COL4A6: variants seen among roughly 807,000 people sequenced by gnomAD.
The protein encoded by COL4A6 is collagen alpha-6(IV) chain.
A neutral mutation model predicts 126.7 loss-of-function variants in COL4A6; 59 were observed. The observed-to-expected ratio is 0.47, with a 90% CI of 0.38 to 0.58. COL4A6 has a LOEUF of 0.58. Among genes scored for constraint, COL4A6 ranks in the 20% least tolerant of loss-of-function variants. The pLI is 0.00. For synonymous variants in COL4A6, 547 were observed against 496.6 expected (o/e 1.10, Z -1.35); for missense variants, 1,285 against 1,337.3 (o/e 0.96, Z 0.61).
At chrX:108,258,385 A>ATAAG (rs2037065372) in intron 3 of COL4A6, among the ~76,000 whole-genome samples, 1 of 112,143 alleles carries the variant, frequency 8.9e-6, no homozygotes, top group South Asian at 3.7e-4. Context: ...AACTAGAGGT[A>ATAAG]TAAGTCACTT....
chrX:108,408,344 AGAAAGAAAGAAAGAAAGAAAGAAC>A (rs1392504154), intron 2 of COL4A6, among the ~76,000 whole-genome samples: 7 of 96,742 alleles, frequency 7.2e-5, no homozygotes, highest in Non-Finnish European at 1.4e-4. Flanking sequence ...AGAGAAAGAA[AGAAAGAAAGAAAGAAAGAAAGAAC>A]GAAAGAAAGA....
At chrX:108,387,862 T>C (rs1488061799) in intron 2 of COL4A6, among the ~76,000 whole-genome samples, 1 of 112,015 alleles carries the variant, frequency 8.9e-6, no homozygotes, top group Non-Finnish European at 1.9e-5. Flanking sequence ...TTGTCATAAA[T>C]AGCTCTTACT....
intron 3 of COL4A6, among the ~76,000 whole-genome samples, chrX:108,222,351 A>T (rs1291222605): frequency 8.9e-6 from 1 of 112,186 alleles, no homozygotes; most frequent in East Asian, 2.8e-4. Context: ...CATTTTCATA[A>T]ATGCTTCCCA....
chrX:108,434,293 AT>A (rs1033942220), intron 2 of COL4A6, among the ~76,000 whole-genome samples: 49 of 106,882 alleles, frequency 4.6e-4, no homozygotes, highest in East Asian at 2.7e-3. Context: ...TTAGAATACT[AT>A]TTTTTTTTTC....
chrX:108,320,522 G>A (rs976152092), intron 2 of COL4A6, among the ~76,000 whole-genome samples: 2 of 111,241 alleles, frequency 1.8e-5, no homozygotes, highest in African/African-American at 6.6e-5. Flanking sequence ...ACAGGCGGTG[G>A]GCAAGGGGCA....
chrX:108,358,733 T>G (rs1302149454), intron 2 of COL4A6, among the ~76,000 whole-genome samples: 1 of 112,147 alleles, frequency 8.9e-6, no homozygotes, highest in Admixed American at 9.6e-5. Flanking sequence ...CCCATTCTAT[T>G]GGTTATGATA....
intron 2 of COL4A6, among the ~76,000 whole-genome samples, chrX:108,359,956 A>T (rs911595835): frequency 8.9e-6 from 1 of 112,276 alleles, no homozygotes; most frequent in African/African-American, 3.2e-5. Context: ...CTGCTAGAAG[A>T]CTGGACACAG....
intron 2 of COL4A6, among the ~76,000 whole-genome samples, chrX:108,327,494 C>T (rs1324826923): frequency 9.4e-6 from 1 of 106,791 alleles, no homozygotes; most frequent in African/African-American, 3.4e-5. Context: ...GAATGAGTAT[C>T]AAAATAATTA....
intron 2 of COL4A6, among the ~76,000 whole-genome samples, chrX:108,409,096 A>G (rs2041274750): frequency 8.9e-6 from 1 of 112,712 alleles, no homozygotes; most frequent in South Asian, 3.6e-4. Flanking sequence ...TAATTGAAGG[A>G]GTAGATTCAG....
chrX:108,379,634 T>C (rs1348259776), intron 2 of COL4A6, among the ~76,000 whole-genome samples: 3 of 108,254 alleles, frequency 2.8e-5, no homozygotes, highest in Non-Finnish European at 5.7e-5. Flanking sequence ...CTCTGACTGA[T>C]TTAAGGGATA....
intron 23 of COL4A6, chrX:108,183,612 A>G: frequency 2.2e-6 from 1 of 461,024 alleles, no homozygotes; most frequent in Non-Finnish European, 3.1e-6. Flanking sequence ...CAAACAGGGC[A>G]TCCAGTGTGG....
chrX:108,175,431 T>C (rs985885683), intron 29 of COL4A6, among the ~76,000 whole-genome samples: 8 of 111,314 alleles, frequency 7.2e-5, no homozygotes, highest in Non-Finnish European at 1.3e-4. Context: ...CTCAAATCCT[T>C]CCTCCACTGG....
At chrX:108,198,773 G>A (rs1195299053) in intron 13 of COL4A6, among the ~76,000 whole-genome samples, 7 of 111,303 alleles carry the variant, frequency 6.3e-5, no homozygotes, top group African/African-American at 2.3e-4. Flanking sequence ...TGGTTCTCAG[G>A]AGGCTCAACT....
chrX:108,364,174 C>A (rs1429655911), intron 2 of COL4A6, among the ~76,000 whole-genome samples: 1 of 111,064 alleles, frequency 9.0e-6, no homozygotes, highest in Non-Finnish European at 1.9e-5. Context: ...GACTGGCCCA[C>A]AGTAGCCTCT....
chrX:108,425,499 T>C (rs1257105542), intron 2 of COL4A6, among the ~76,000 whole-genome samples: 3 of 109,664 alleles, frequency 2.7e-5, no homozygotes, highest in Non-Finnish European at 3.8e-5. Context: ...TTTGGGAGGC[T>C]AAGGGGGGAT....
At chrX:108,187,708 A>G in intron 22 of COL4A6, 140 bp downstream of exon 22, 1 of 545,444 alleles carries the variant, frequency 1.8e-6, no homozygotes. Context: ...GCAAAAAGCA[A>G]AAAGTTTCAG....
At chrX:108,245,787 C>G (rs147952421) in intron 3 of COL4A6, among the ~76,000 whole-genome samples, 1 of 111,745 alleles carries the variant, frequency 8.9e-6, no homozygotes, top group African/African-American at 3.2e-5. Context: ...TCAAGCTCTA[C>G]GGCCTAATAT....
chrX:108,244,265 T>C (rs2036656721), intron 3 of COL4A6, among the ~76,000 whole-genome samples: 1 of 111,444 alleles, frequency 9.0e-6, no homozygotes, highest in Non-Finnish European at 1.9e-5. Flanking sequence ...GAAATCAACA[T>C]TGAATTCCAT....
intron 3 of COL4A6, among the ~76,000 whole-genome samples, chrX:108,305,848 G>A (rs1156883534): frequency 1.8e-5 from 2 of 112,007 alleles, no homozygotes; most frequent in Non-Finnish European, 3.8e-5. Flanking sequence ...TACATCTGGT[G>A]GGGGTTGGTA....
Sources: allele counts gnomAD v4.1 joint callset (sites outside exome capture counted in the v4.1 genomes callset), GRCh38; gene constraint gnomAD v4.1.1; transcripts MANE v1.5; gene names NCBI Gene and HGNC (gene_info 2026-07-23, HGNC 2026-07-21).